The following MYO3B variants were observed in gnomAD, a reference collection of about 807,000 sequenced individuals.
MYO3B encodes the protein myosin-IIIb.
In MYO3B, 156 loss-of-function variants were observed where a neutral mutation model predicts 174.6. The observed-to-expected ratio is 0.89, with a 90% CI of 0.78 to 1.02. The LOEUF (loss-of-function observed/expected upper bound fraction) is 1.02. Among genes scored for constraint, MYO3B ranks in the 50% least tolerant of loss-of-function variants. The pLI is 0.00. For missense variants in MYO3B, 1,632 were observed against 1,639.4 expected (o/e 1.00, Z 0.08); for synonymous variants, 563 against 569.1 (o/e 0.99, Z 0.15).
intron 32 of MYO3B, among the ~76,000 whole-genome samples, chr2:170,582,702 GT>G (rs1343206773): frequency 6.6e-6 from 1 of 152,116 alleles, no homozygotes; most frequent in African/African-American, 2.4e-5. Flanking sequence ...CCCAGCAGGA[GT>G]TGTTGCTCCT....
intron 6 of MYO3B, among the ~76,000 whole-genome samples, chr2:170,229,847 C>G (rs2105282335): frequency 6.6e-6 from 1 of 152,214 alleles, no homozygotes; most frequent in Non-Finnish European, 1.5e-5. Context: ...AGTCTTTGTG[C>G]AAGAGAGGGT....
chr2:170,526,594 T>C (rs1038526662), intron 30 of MYO3B, among the ~76,000 whole-genome samples: 19 of 152,200 alleles, frequency 1.2e-4, no homozygotes, highest in Non-Finnish European at 1.5e-5. Context: ...CTTACCAACA[T>C]TGCCAGCATG....
chr2:170,333,629 A>G (rs10176638), intron 7 of MYO3B, among the ~76,000 whole-genome samples: 3,422 of 152,140 alleles, frequency 0.022, 133 homozygotes, highest in African/African-American at 0.077. Flanking sequence ...TGGACATACT[A>G]TGCTTTTTTA....
At chr2:170,377,653 T>C (rs2094304798) in intron 9 of MYO3B, among the ~76,000 whole-genome samples, 1 of 152,126 alleles carries the variant, frequency 6.6e-6, no homozygotes, top group South Asian at 2.1e-4. Flanking sequence ...AGCCAAGACT[T>C]TCCCTCTAAG....
intron 32 of MYO3B, among the ~76,000 whole-genome samples, chr2:170,588,420 T>C (rs542046256): frequency 1.3e-5 from 2 of 152,164 alleles, no homozygotes; most frequent in East Asian, 3.9e-4. Flanking sequence ...GCCTGGGTGA[T>C]AGAGCAAGAC....
At chr2:170,213,085 A>T (rs996945007) in intron 3 of MYO3B, among the ~76,000 whole-genome samples, 1 of 152,156 alleles carries the variant, frequency 6.6e-6, no homozygotes, top group African/African-American at 2.4e-5. Context: ...TTGACTTAGG[A>T]TGGCTTGTAG....
Position 170,404,184 on chromosome 2 carries a change from A to G in MYO3B, c.2278-63A>G, listed in dbSNP as rs2094495912. 1.0e-5 allele frequency: 15 copies of G among 1,498,604 alleles called. No homozygotes were observed. In the South Asian group the frequency reaches 1.9e-4, roughly 19 times the overall value. 92.8% of individuals were successfully genotyped at this position (1,498,604 alleles called of 1,614,324 possible). On this transcript the variant is annotated intron_variant, in intron 19 of 34. Coordinates refer to ENST00000408978, the MANE Select transcript of MYO3B (RefSeq NM_138995.5). The stretch of plus-strand genomic sequence containing the variant: ...GCTAGACCCAGAAAGTCCATGTCAA[A>G]GTATCCTGGTGGTCCCAAGGCTAGT...
chr2:170,201,868 T>C (rs2092666033), intron 3 of MYO3B, among the ~76,000 whole-genome samples: 1 of 152,188 alleles, frequency 6.6e-6, no homozygotes, highest in Non-Finnish European at 1.5e-5. Flanking sequence ...AACTTAGTAA[T>C]GGAAGTACAG....
intron 7 of MYO3B, among the ~76,000 whole-genome samples, chr2:170,270,110 T>C (rs757360150): frequency 6.6e-6 from 1 of 152,182 alleles, no homozygotes; most frequent in Non-Finnish European, 1.5e-5. Context: ...GGAAGAAGGC[T>C]CCAAGGATAT....
intron 25 of MYO3B, among the ~76,000 whole-genome samples, chr2:170,478,991 A>T (rs968458527): frequency 6.6e-6 from 1 of 150,792 alleles, no homozygotes; most frequent in African/African-American, 2.4e-5. Flanking sequence ...CTATATACAA[A>T]TATATATTAT....
At chr2:170,415,234 A>T (rs938207466) in intron 22 of MYO3B, among the ~76,000 whole-genome samples, 2 of 152,242 alleles carry the variant, frequency 1.3e-5, no homozygotes, top group African/African-American at 4.8e-5. Context: ...CTTTGCACTT[A>T]CTGTTCCCTA....
chr2:170,621,101 C>G (rs1046243509), intron 32 of MYO3B, among the ~76,000 whole-genome samples: 12 of 152,074 alleles, frequency 7.9e-5, no homozygotes, highest in African/African-American at 2.9e-4. Flanking sequence ...CTCGGCCAGG[C>G]TGGTCTCGAA....
intron 7 of MYO3B, among the ~76,000 whole-genome samples, chr2:170,278,907 T>C (rs1210338133): frequency 6.6e-6 from 1 of 152,186 alleles, no homozygotes; most frequent in Non-Finnish European, 1.5e-5. Flanking sequence ...TTATTTTATT[T>C]AATGTAATGA....
intron 7 of MYO3B, among the ~76,000 whole-genome samples, chr2:170,240,020 C>A (rs779774560): frequency 6.6e-6 from 1 of 152,138 alleles, no homozygotes; most frequent in African/African-American, 2.4e-5. Context: ...TCTCTGGCTT[C>A]GTTTTCACAT....
At chr2:170,439,244 C>T (rs903369013) in intron 22 of MYO3B, among the ~76,000 whole-genome samples, 3 of 151,516 alleles carry the variant, frequency 2.0e-5, no homozygotes, top group African/African-American at 7.3e-5. Context: ...TGCTGGTGGG[C>T]GCCTGTAGTC....
intron 25 of MYO3B, among the ~76,000 whole-genome samples, chr2:170,483,449 C>T (rs971457212): frequency 9.2e-6 from 1 of 108,716 alleles, no homozygotes; most frequent in South Asian, 2.7e-4. Flanking sequence ...TGCAGTGGCG[C>T]GATCTCGGCT....
At chr2:170,376,322 G>T (rs1479198395) in intron 9 of MYO3B, among the ~76,000 whole-genome samples, 1 of 152,166 alleles carries the variant, frequency 6.6e-6, no homozygotes, top group Non-Finnish European at 1.5e-5. Flanking sequence ...TTATTATATA[G>T]TTACGGTAAA....
intron 24 of MYO3B, among the ~76,000 whole-genome samples, chr2:170,464,781 G>C (rs1377691904): frequency 6.6e-6 from 1 of 152,070 alleles, no homozygotes; most frequent in Non-Finnish European, 1.5e-5. Context: ...GACACACCTG[G>C]TCCTATCCCC....
At chr2:170,587,086 A>G (rs906228011) in intron 32 of MYO3B, among the ~76,000 whole-genome samples, 3 of 152,246 alleles carry the variant, frequency 2.0e-5, no homozygotes, top group African/African-American at 7.2e-5. Flanking sequence ...TCACTTTGTG[A>G]TAAGAGAAAA....
Sources: gnomAD v4.1 joint callset for allele counts (sites outside exome capture counted in the v4.1 genomes callset) on GRCh38, gnomAD v4.1.1 for gene constraint, MANE v1.5 for transcripts, NCBI Gene and HGNC (gene_info 2026-07-23, HGNC 2026-07-21) for gene names.